Variants in SUGP1 observed in about 807,000 individuals in gnomAD.
SUGP1 encodes SURP and G-patch domain containing 1.
Under a neutral mutation model 76.5 loss-of-function variants are expected in SUGP1, and 34 were observed. That is an observed-to-expected ratio of 0.44 (90% CI 0.34 to 0.59). The LOEUF is 0.59. SUGP1 is among the 20% of genes least tolerant of loss of function. The pLI, the probability that SUGP1 is intolerant of heterozygous loss-of-function variation, is 0.01. For missense variants in SUGP1, 752 were observed against 851.7 expected, an observed-to-expected ratio of 0.88 and a Z score of 1.46; for synonymous variants, 326 against 326.2, an observed-to-expected ratio of 1.00 and a Z score of 0.01.
At chr19:19,292,027 C>T (rs2061188690) in intron 8 of SUGP1, among the ~76,000 whole-genome samples, 1 of 151,838 alleles carries the variant, frequency 6.6e-6, no homozygotes. Context: ...AATCCCAGTG[C>T]TTTGGGAGGC....
chr19:19,303,562 C>A, intron 5 of SUGP1, 114 bp from the exon 6 acceptor site: 1 of 1,343,504 alleles, frequency 7.4e-7, no homozygotes, highest in South Asian at 1.2e-5. Context: ...GACCCGAAAG[C>A]AAGTCTCCGT....
chr19:19,295,639 G>A (rs895411104), intron 8 of SUGP1, among the ~76,000 whole-genome samples: 17 of 149,084 alleles, frequency 1.1e-4, no homozygotes, highest in Non-Finnish European at 2.4e-4. Context: ...AGAACCCGAC[G>A]GCAGAGGTTG....
At chr19:19,294,637 G>A (rs924106510) in intron 8 of SUGP1, among the ~76,000 whole-genome samples, 1 of 151,638 alleles carries the variant, frequency 6.6e-6, no homozygotes, top group African/African-American at 2.4e-5. Flanking sequence ...CCTTAAAAAT[G>A]ACACCAAAAG....
intron 8 of SUGP1, among the ~76,000 whole-genome samples, chr19:19,290,929 C>T (rs1194971831): frequency 1.3e-5 from 2 of 151,928 alleles, no homozygotes; most frequent in Non-Finnish European, 2.9e-5. Context: ...CCAGCCTGGC[C>T]AACATGGTGA....
At chr19:19,297,699 AG>A (rs2061238887) in intron 7 of SUGP1, among the ~76,000 whole-genome samples, 1 of 152,184 alleles carries the variant, frequency 6.6e-6, no homozygotes, top group South Asian at 2.1e-4. Flanking sequence ...AAAAAATCTC[AG>A]ATTGTGGGGA....
chr19:19,276,666 G>T lies in SUGP1; in HGVS notation c.1920C>A (p.Pro640=), dbSNP rs369953314. The change falls in exon 14 of 14, where the codon CCC becomes CCA. Residue 640 remains proline, a synonymous_variant. Coordinates refer to ENST00000247001, the MANE Select transcript of SUGP1 (RefSeq NM_172231.4). ...AGAACACTCAGTAGTAAGGCCGTCT[G>T]GGATTGTTCTGTGGAAGGCAAAACA... ...YRFRPNPLNN[P]RRPYY The T allele has an allele frequency of 6.2e-7, 1 of 1,614,018 alleles. No individual in the cohort carries two copies. The highest frequency in any genetic ancestry group is 2.2e-5 in the East Asian group (1 of 44,902).
intron 8 of SUGP1, among the ~76,000 whole-genome samples, chr19:19,292,914 T>A (rs1398697308): frequency 6.8e-6 from 1 of 146,534 alleles, no homozygotes; most frequent in Admixed American, 6.8e-5. Context: ...ATTTATTTAC[T>A]TTTTTTTTTT....
chr19:19,299,678 G>A (rs1159899794), intron 7 of SUGP1, among the ~76,000 whole-genome samples: 1 of 150,454 alleles, frequency 6.6e-6, no homozygotes. Flanking sequence ...CACCGCACCC[G>A]GCCTACTGAC....
At position 19,303,349 on chromosome 19, in the gene SUGP1, T is replaced by C. The variant is rs1240855698; in HGVS notation, c.762A>G (p.Lys254=). 1 of 1,614,002 alleles carries C rather than the reference T, an allele frequency of 6.2e-7. No homozygotes were observed. Among genetic ancestry groups the C allele is most frequent in the East Asian group, 2.2e-5 (1 of 44,884 alleles). Residue 254 remains lysine, a splice_region_variant and synonymous_variant, in exon 6 of 14, where the codon AAA becomes AAG. Transcript: ENST00000247001. The stretch of plus-strand genomic sequence containing the variant: ...CTCCCACCCGCTCCGTCCACCTACC[T>C]TTCTGAGAGGCTGCCTGCGACTTCT... ...EAQKSQAASQ[K]VSPPEDEEVK... is the part of the protein sequence containing the mutation.
intron 6 of SUGP1, among the ~76,000 whole-genome samples, chr19:19,302,767 A>C (rs2061282222): frequency 6.6e-6 from 1 of 152,150 alleles, no homozygotes; most frequent in African/African-American, 2.4e-5. Flanking sequence ...CACAGGGAAC[A>C]CAAGGAACAA....
chr19:19,277,261 G>GT (rs1170864498), intron 12 of SUGP1, among the ~76,000 whole-genome samples, 185 bp from the exon 13 acceptor site: 1 of 150,902 alleles, frequency 6.6e-6, no homozygotes, highest in African/African-American at 2.5e-5. Context: ...CGGGGGGGGG[G>GT]GGCCTAGGCC....
At chr19:19,286,842 G>A (rs548176240) in intron 8 of SUGP1, among the ~76,000 whole-genome samples, 2 of 152,298 alleles carry the variant, frequency 1.3e-5, no homozygotes, top group Non-Finnish European at 2.9e-5. Flanking sequence ...TCAAGAGTTC[G>A]AGAGCAGCCT....
intron 7 of SUGP1, among the ~76,000 whole-genome samples, chr19:19,299,388 T>C (rs1205009416): frequency 1.3e-5 from 2 of 152,086 alleles, no homozygotes; most frequent in Non-Finnish European, 2.9e-5. Context: ...CCTTTTTTTT[T>C]CTGAGACGGA....
chr19:19,297,442 C>G, intron 7 of SUGP1, 98 bp from the exon 8 acceptor site: 185 of 713,890 alleles, frequency 2.6e-4, no homozygotes, highest in Non-Finnish European at 3.5e-4. Context: ...CCCACGTTGG[C>G]CAGGGTCACT....
chr19:19,296,243 C>T (rs745738482), intron 8 of SUGP1, among the ~76,000 whole-genome samples: 14 of 152,130 alleles, frequency 9.2e-5, no homozygotes, highest in Non-Finnish European at 2.1e-4. Flanking sequence ...GGTGCACCTG[C>T]AGGTTCCTCA....
chr19:19,278,903 C>T, intron 10 of SUGP1, 107 bp from the exon 11 acceptor site: 3 of 1,218,662 alleles, frequency 2.5e-6, no homozygotes, highest in Non-Finnish European at 3.5e-6. Context: ...GCCTGGGGCC[C>T]CCAGGGAAGG....
chr19:19,277,693 C>T (rs2061064655), intron 12 of SUGP1, 41 bp downstream of exon 12: 2 of 1,606,244 alleles, frequency 1.2e-6, no homozygotes, highest in African/African-American at 1.3e-5. Flanking sequence ...ACCCACAGAC[C>T]CCAAGTTCAT....
chr19:19,301,007 A>G (rs1287269353), intron 7 of SUGP1, among the ~76,000 whole-genome samples: 1 of 152,198 alleles, frequency 6.6e-6, no homozygotes, highest in Non-Finnish European at 1.5e-5. Context: ...AGGGTTCCAC[A>G]GTCAGTGTCT....
rs764612248 is a variant in SUGP1, at chr19:19,320,421, A to C, written c.34+42T>G. On this transcript the variant is annotated intron_variant, in intron 1 of 13. Transcript: ENST00000247001. ...GGAGTCAGGGGAGACACCTAGCCCC[A>C]GGGACCCAGGCGGCCGCCTGAGAGG... 20 of 1,603,946 alleles carry C rather than the reference A, an allele frequency of 1.2e-5. No homozygotes were observed. The African/African-American group carries it at 2.6e-4, about 20-fold the overall frequency.
Sources: allele counts gnomAD v4.1 joint callset (sites outside exome capture counted in the v4.1 genomes callset), GRCh38; gene constraint gnomAD v4.1.1; transcripts MANE v1.5; gene names NCBI Gene and HGNC (gene_info 2026-07-23, HGNC 2026-07-21).